ZBTB20: variants seen among roughly 807,000 people sequenced by gnomAD.
The protein encoded by ZBTB20 is zinc finger and BTB domain containing 20.
In ZBTB20, 9 loss-of-function variants were observed where a neutral mutation model predicts 56.9. That is an observed-to-expected ratio of 0.16 (90% CI 0.10 to 0.28). The LOEUF (loss-of-function observed/expected upper bound fraction) is 0.28, where lower values mean the gene tolerates loss of function less well. Among genes scored for constraint, ZBTB20 ranks in the 10% least tolerant of loss-of-function variants. ZBTB20 has a pLI of 1.00. For missense variants in ZBTB20, 655 were observed against 1,003.0 expected (o/e 0.65, Z 4.69); for synonymous variants, 417 against 420.7 (o/e 0.99, Z 0.11).
In ZBTB20 at chr3:114,645,666, T is replaced by C. The variant is rs535351549; in HGVS notation, c.-295+47862A>G. On this transcript the variant is annotated intron_variant, in intron 6 of 11. Coordinates refer to ENST00000675478, the MANE Select transcript of ZBTB20 (RefSeq NM_001348800.3). The stretch of plus-strand genomic sequence containing the variant: ...AAAGGGGAATGTTGAGTCATGGAGA[T>C]GTAATGTGACTCCTTAAACTAAGTA... Among the ~76,000 whole-genome samples the C allele has an allele frequency of 6.6e-5, 10 of 152,342 alleles. No individual in the cohort carries two copies. The South Asian group carries it at 2.1e-3, about 32-fold the overall frequency.
intron 5 of ZBTB20, among the ~76,000 whole-genome samples, chr3:114,717,990 A>C (rs1165184764): frequency 6.6e-6 from 1 of 152,094 alleles, no homozygotes; most frequent in Non-Finnish European, 1.5e-5. Context: ...ATTCATTCTT[A>C]TTTCTGAATT....
At chr3:114,531,256 C>G (rs1202244649) in intron 6 of ZBTB20, among the ~76,000 whole-genome samples, 2 of 152,180 alleles carry the variant, frequency 1.3e-5, no homozygotes, top group Non-Finnish European at 2.9e-5. Flanking sequence ...ACATTAAACT[C>G]TCCTTTTCTT....
chr3:114,634,410 T>C (rs1272749383), intron 6 of ZBTB20, among the ~76,000 whole-genome samples: 1 of 152,156 alleles, frequency 6.6e-6, no homozygotes, highest in Admixed American at 6.5e-5. Context: ...ATGTTAGAAA[T>C]GCCAAGTTAC....
intron 1 of ZBTB20, among the ~76,000 whole-genome samples, chr3:115,109,480 A>C (rs1213093421): frequency 1.3e-5 from 2 of 152,218 alleles, no homozygotes; most frequent in African/African-American, 4.8e-5. Context: ...ATGTGTCAGA[A>C]ACAGCCCAAC....
chr3:114,610,961 T>G (rs1360461087), intron 6 of ZBTB20, among the ~76,000 whole-genome samples: 1 of 152,178 alleles, frequency 6.6e-6, no homozygotes, highest in East Asian at 1.9e-4. Flanking sequence ...CTTCAAAAAA[T>G]TTTGGAATTG....
At chr3:114,861,810 T>A (rs2075546428) in intron 4 of ZBTB20, 1 of 151,938 alleles carries the variant, frequency 6.6e-6, no homozygotes, top group Non-Finnish European at 1.5e-5. Context: ...AAAGAACAGA[T>A]AAGAAAGAGA....
intron 2 of ZBTB20, among the ~76,000 whole-genome samples, chr3:114,992,052 C>G (rs1447114733): frequency 3.3e-5 from 5 of 151,826 alleles, no homozygotes; most frequent in African/African-American, 4.8e-5. Context: ...AATAATCTCT[C>G]TCTCCACCTA....
chr3:115,092,358 T>A (rs2083229594), intron 1 of ZBTB20, among the ~76,000 whole-genome samples: 2 of 152,128 alleles, frequency 1.3e-5, no homozygotes, highest in South Asian at 2.1e-4. Flanking sequence ...GGGTCCTTTC[T>A]AAATGGACAA....
At chr3:114,987,199 AC>A (rs1329508070) in intron 2 of ZBTB20, among the ~76,000 whole-genome samples, 1 of 152,152 alleles carries the variant, frequency 6.6e-6, no homozygotes, top group African/African-American at 2.4e-5. Flanking sequence ...AATAAATAAA[AC>A]CACTTGAGAA....
chr3:114,948,706 C>G (rs1176674651), intron 3 of ZBTB20, among the ~76,000 whole-genome samples: 2 of 145,528 alleles, frequency 1.4e-5, no homozygotes, highest in Non-Finnish European at 2.9e-5. Context: ...GAAAATAAAA[C>G]TTAAAATGAT....
At chr3:114,954,669 C>T (rs976045279) in intron 3 of ZBTB20, among the ~76,000 whole-genome samples, 1 of 152,172 alleles carries the variant, frequency 6.6e-6, no homozygotes, top group African/African-American at 2.4e-5. Context: ...TGCCAGCATG[C>T]TTCAATGAGA....
At chr3:114,451,828 T>C (rs2091633461) in intron 7 of ZBTB20, among the ~76,000 whole-genome samples, 1 of 152,130 alleles carries the variant, frequency 6.6e-6, no homozygotes, top group African/African-American at 2.4e-5. Context: ...CCTCCTCCTC[T>C]ATTTTTTTTC....
In ZBTB20 at chr3:115,013,908, A is replaced by ATGTGTGTGTGTG. The variant is rs35762117; in HGVS notation, c.-506-39504_-506-39493dup. 5.4e-3 allele frequency among the ~76,000 whole-genome samples: 795 copies of ATGTGTGTGTGTG among 147,848 alleles called. 9 individuals carry two copies. Among genetic ancestry groups the ATGTGTGTGTGTG allele is most frequent in the African/African-American group, 0.019 (755 of 40,422 alleles). ...TACCATAAGATCCAGCAATCCCTAT[A>ATGTGTGTGTGTG]TGTGTGTGTGTGTGTGTGTGTGTGT... On this transcript the variant is annotated intron_variant, in intron 2 of 11. Coordinates refer to ENST00000675478, the MANE Select transcript of ZBTB20 (RefSeq NM_001348800.3).
chr3:114,815,346 C>A (rs970337601), intron 4 of ZBTB20, among the ~76,000 whole-genome samples: 1 of 151,998 alleles, frequency 6.6e-6, no homozygotes, highest in Non-Finnish European at 1.5e-5. Flanking sequence ...TAAAACAGTA[C>A]ACTGAAAATA....
chr3:114,636,373 T>C (rs13074949), intron 6 of ZBTB20, among the ~76,000 whole-genome samples: 12,935 of 152,132 alleles, frequency 0.085, 576 homozygotes, highest in Middle Eastern at 0.15. Flanking sequence ...AAGTCAAGTA[T>C]ATAGTCAAAT....
intron 5 of ZBTB20, among the ~76,000 whole-genome samples, chr3:114,705,203 C>T (rs552205391): frequency 6.6e-6 from 1 of 152,218 alleles, no homozygotes; most frequent in East Asian, 1.9e-4. Flanking sequence ...TCCCTCACCA[C>T]CACAGCCTGA....
intron 6 of ZBTB20, among the ~76,000 whole-genome samples, chr3:114,628,902 A>T (rs2058784800): frequency 6.6e-6 from 1 of 152,128 alleles, no homozygotes; most frequent in South Asian, 2.1e-4. Context: ...CACTATGTTC[A>T]TCCAGTTTGT....
intron 7 of ZBTB20, among the ~76,000 whole-genome samples, chr3:114,433,176 AGCCTGATAAAGAG>A (rs2090247740): frequency 1.3e-5 from 2 of 152,196 alleles, no homozygotes; most frequent in Admixed American, 1.3e-4. Context: ...CCCTGTAAGA[AGCCTGATAAAGAG>A]GCCAAGTTAA....
chr3:114,510,121 C>T (rs895220843), intron 6 of ZBTB20, among the ~76,000 whole-genome samples: 3 of 152,082 alleles, frequency 2.0e-5, no homozygotes, highest in African/African-American at 7.2e-5. Context: ...CAAGATGAGA[C>T]CTCAAAAATA....
Sources: allele counts gnomAD v4.1 joint callset (sites outside exome capture counted in the v4.1 genomes callset), GRCh38; gene constraint gnomAD v4.1.1; transcripts MANE v1.5; gene names NCBI Gene and HGNC (gene_info 2026-07-23, HGNC 2026-07-21).